The following AXDND1 variants were observed in gnomAD, a reference collection of about 807,000 sequenced individuals.
AXDND1 encodes axonemal dynein light chain domain-containing protein 1.
AXDND1 carries 110 observed loss-of-function variants against 137.5 expected under a neutral mutation model. The ratio of observed to expected loss-of-function variants is 0.80; its 90% CI spans 0.69 to 0.94. The LOEUF is 0.94. Ranked by LOEUF, AXDND1 falls within the 40% of genes least tolerant of loss-of-function variation. AXDND1 has a pLI of 0.00. For missense variants in AXDND1, 1,191 were observed against 1,169.8 expected (o/e 1.02, Z -0.26); for synonymous variants, 414 against 399.7 (o/e 1.04, Z -0.43).
chr1:179,526,201 C>A (rs1325454834), intron 22 of AXDND1, among the ~76,000 whole-genome samples: 3 of 152,050 alleles, frequency 2.0e-5, no homozygotes, highest in South Asian at 2.1e-4. Flanking sequence ...CCTCTCTTTA[C>A]CCCGTCTCAA....
chr1:179,447,691 G>T (rs1659931766), intron 16 of AXDND1: 1 of 1,345,652 alleles, frequency 7.4e-7, no homozygotes, highest in African/African-American at 1.4e-5. Flanking sequence ...ACCTGGTGGA[G>T]GGGGAGACTT....
At position 179,545,690 on chromosome 1, in the gene AXDND1, G is replaced by A. The variant is rs576480252; in HGVS notation, c.3032-8822G>A. 2.0e-5 allele frequency: 3 copies of A among 152,316 alleles called. No homozygotes were observed. In the East Asian group the frequency reaches 5.8e-4, roughly 29 times the overall value. 9.4% of individuals were successfully genotyped at this position (152,316 alleles called of 1,614,324 possible). A position where few individuals can be genotyped will look rare whatever the true frequency, so the allele number is the denominator to read the frequency against. On this transcript the variant is annotated intron_variant, in intron 25 of 25. Coordinates refer to ENST00000367618, the MANE Select transcript of AXDND1 (RefSeq NM_144696.6). ...TTGATTTTCCACTTTGCAGGCATGA[G>A]TTGTCATTTCCATACAAATCAGTAG...
intron 11 of AXDND1, among the ~76,000 whole-genome samples, chr1:179,410,064 T>C (rs1258100473): frequency 6.6e-6 from 1 of 152,190 alleles, no homozygotes; most frequent in Non-Finnish European, 1.5e-5. Flanking sequence ...AGTGAATTTG[T>C]ACATGTGTAT....
At chr1:179,486,128 A>AC (rs1666019878) in intron 18 of AXDND1, among the ~76,000 whole-genome samples, 2 of 105,304 alleles carry the variant, frequency 1.9e-5, no homozygotes, top group Non-Finnish European at 4.1e-5. Context: ...TCAAAAAAAA[A>AC]AAAAAAAAAA....
At chr1:179,528,855 G>A (rs1245619243) in intron 23 of AXDND1, among the ~76,000 whole-genome samples, 1 of 151,916 alleles carries the variant, frequency 6.6e-6, no homozygotes, top group Non-Finnish European at 1.5e-5. Context: ...ACCTCCCAAA[G>A]AGCTGGGACT....
rs1332294473 is a variant in AXDND1 at position 179,397,964 on chromosome 1, T to C, written c.1109+2762T>C. On this transcript the variant is annotated intron_variant, in intron 11 of 25. Transcript: ENST00000367618. The stretch of plus-strand genomic sequence containing the variant: ...TGCATCTTAATGATCTTCATTCCTA[T>C]CCATAGCATGAATTCTGTTTGTGTC... Among the ~76,000 whole-genome samples the C allele has an allele frequency of 4.6e-5, 7 of 152,168 alleles. No homozygotes were observed. In the East Asian group the frequency reaches 1.3e-3, roughly 29 times the overall value.
intron 21 of AXDND1, among the ~76,000 whole-genome samples, chr1:179,519,688 A>G (rs1270419316): frequency 6.6e-6 from 1 of 152,120 alleles, no homozygotes; most frequent in Non-Finnish European, 1.5e-5. Context: ...GTTGAAGATC[A>G]GATGGTTTGT....
At chr1:179,528,185 T>C (rs1042443044) in intron 22 of AXDND1, 142 bp from the exon 23 acceptor site, 2 of 620,636 alleles carry the variant, frequency 3.2e-6, no homozygotes, top group South Asian at 2.1e-5. Context: ...TGTGAAAGTC[T>C]TCAAAAATTC....
At chr1:179,453,810 A>T (rs1460225169) in intron 16 of AXDND1, 2 of 151,918 alleles carry the variant, frequency 1.3e-5, no homozygotes, top group Non-Finnish European at 2.9e-5. Context: ...CAAAAAAAAA[A>T]AAAAAAAAAA....
intron 12 of AXDND1, among the ~76,000 whole-genome samples, chr1:179,420,263 G>A (rs1404605000): frequency 1.3e-5 from 2 of 152,156 alleles, no homozygotes; most frequent in Non-Finnish European, 2.9e-5. Context: ...TGCACATGTT[G>A]AACCATCCTC....
chr1:179,436,893 T>C (rs576744643), intron 15 of AXDND1, among the ~76,000 whole-genome samples: 1 of 151,756 alleles, frequency 6.6e-6, no homozygotes, highest in Non-Finnish European at 1.5e-5. Flanking sequence ...AAAAGCTCGG[T>C]AGATATCAGC....
intron 11 of AXDND1, 91 bp downstream of exon 11, chr1:179,395,293 T>C: frequency 1.0e-6 from 1 of 994,950 alleles, no homozygotes; most frequent in Non-Finnish European, 1.5e-6. Context: ...CTATAACTTC[T>C]TGAATTCTAA....
chr1:179,366,628 G>A (rs1558074372), intron 2 of AXDND1, 22 bp downstream of exon 2: 1 of 1,557,644 alleles, frequency 6.4e-7, no homozygotes. Context: ...TGATTCTGAA[G>A]TCATAAACAG....
chr1:179,433,303 CA>C (rs1380440726), intron 15 of AXDND1, among the ~76,000 whole-genome samples: 1 of 150,980 alleles, frequency 6.6e-6, no homozygotes, highest in African/African-American at 2.4e-5. Flanking sequence ...TTAATTTTTT[CA>C]AAAAAAATAG....
In AXDND1 at chr1:179,385,849, G is replaced by C. The variant is rs80160056; in HGVS notation, c.863+490G>C. Among the ~76,000 whole-genome samples the C allele has an allele frequency of 2.9e-4, 44 of 152,238 alleles. No homozygotes were observed. In the East Asian group the frequency reaches 8.3e-3, roughly 29 times the overall value. ...TAATAGGGGTTGTCCCTGGTTGTTT[G>C]GTACCTGGCCTTGGGGCAATAAGAG... On this transcript the variant is annotated intron_variant, in intron 9 of 25. Coordinates refer to ENST00000367618, the MANE Select transcript of AXDND1 (RefSeq NM_144696.6).
At chr1:179,484,372 GA>G (rs1302044216) in intron 18 of AXDND1, among the ~76,000 whole-genome samples, 2 of 152,160 alleles carry the variant, frequency 1.3e-5, no homozygotes, top group African/African-American at 4.8e-5. Context: ...AATCTTAGGG[GA>G]ACTATCAGAC....
At chr1:179,540,042 A>T (rs1208937799) in intron 25 of AXDND1, among the ~76,000 whole-genome samples, 1 of 151,912 alleles carries the variant, frequency 6.6e-6, no homozygotes, top group Admixed American at 6.6e-5. Flanking sequence ...CAGCTCCGTC[A>T]GGTCATTTAT....
chr1:179,402,667 TAAAAA>T (rs1652286359), intron 11 of AXDND1, among the ~76,000 whole-genome samples: 1 of 152,160 alleles, frequency 6.6e-6, no homozygotes, highest in Non-Finnish European at 1.5e-5. Flanking sequence ...ACTCCCATCT[TAAAAA>T]CAAAAAACAC....
intron 11 of AXDND1, among the ~76,000 whole-genome samples, chr1:179,406,651 T>C (rs1457195703): frequency 1.3e-5 from 2 of 152,188 alleles, no homozygotes; most frequent in Admixed American, 1.3e-4. Context: ...AAATTCTGAT[T>C]TATCTGATGT....
Sources: gnomAD v4.1 joint callset for allele counts (sites outside exome capture counted in the v4.1 genomes callset) on GRCh38, gnomAD v4.1.1 for gene constraint, MANE v1.5 for transcripts, NCBI Gene and HGNC (gene_info 2026-07-23, HGNC 2026-07-21) for gene names.